Variants in ATP4A observed in about 807,000 individuals in gnomAD.
The protein encoded by ATP4A is ATPase H+/K+ transporting subunit alpha, also known as potassium-transporting ATPase alpha chain 1.
In ATP4A, 73 loss-of-function variants were observed where a neutral mutation model predicts 112.1. The observed-to-expected ratio is 0.65, with a 90% CI of 0.54 to 0.79. The LOEUF is 0.79. ATP4A is among the 30% of genes least tolerant of loss of function. The pLI, the probability that ATP4A is intolerant of heterozygous loss-of-function variation, is 0.00. For synonymous variants in ATP4A, 588 were observed against 588.9 expected, an observed-to-expected ratio of 1.00 and a Z score of 0.02; for missense variants, 1,081 against 1,425.9, an observed-to-expected ratio of 0.76 and a Z score of 3.90.
rs184303062 is a variant in ATP4A at position 35,555,911 on chromosome 19, A to G, written c.1870-99T>C. ...GCTGATACACGTGTTCATTTACTTG[A>G]CCAAGCGTGACCACCTCCTACGTGC... On this transcript the variant is annotated intron_variant, in intron 12 of 21. Transcript: ENST00000262623. This position sits in a 1 kb window ranked among gnomAD's most constrained non-coding sequence, Gnocchi z 6.6. The G allele has an allele frequency of 5.4e-6, 8 of 1,470,588 alleles. No individual in the cohort carries two copies. The highest frequency in any genetic ancestry group is 7.3e-6 in the Non-Finnish European group (8 of 1,099,942). 91.1% of individuals were successfully genotyped at this position (1,470,588 alleles called of 1,614,324 possible).
Position 35,558,729 on chromosome 19 carries a change from C to T in ATP4A, c.1256-43G>A. On this transcript the variant is annotated intron_variant, in intron 8 of 21. Transcript: ENST00000262623. The surrounding 1 kb of genome is among the most constrained non-coding windows in gnomAD (Gnocchi z 5.1). The stretch of plus-strand genomic sequence containing the variant: ...AGGCTGGGTCCCGCACGGCGGCTCT[C>T]CCGGACCAGAACCGAGCCCCCTCCT... 1 of 1,536,216 alleles carries T rather than the reference C, an allele frequency of 6.5e-7. No homozygotes were observed. Among genetic ancestry groups the T allele is most frequent in the South Asian group, 1.2e-5 (1 of 83,652 alleles).
chr19:35,554,973 G>A lies in ATP4A; in HGVS notation c.2430C>T (p.Pro810=), dbSNP rs61746955. The change falls in exon 16 of 22, where the codon CCC becomes CCT. Residue 810 remains proline, a synonymous_variant. Transcript: ENST00000262623. ...PYLIYITVSV[P]LPLGCITILF... is the part of the protein sequence containing the mutation. ...GGATGGTGATGCACCCGAGGGGCAG[G>A]GGCACGCTGACGGTGATGTAGATGA... 3,136 of 1,614,198 alleles carry A rather than the reference G, an allele frequency of 1.9e-3. 37 individuals are homozygous for A. The African/African-American group carries it at 0.033, about 17-fold the overall frequency.
chr19:35,563,065 T>C, intron 3 of ATP4A, 144 bp downstream of exon 3: 1 of 667,962 alleles, frequency 1.5e-6, no homozygotes, highest in Non-Finnish European at 2.3e-6. Flanking sequence ...TTTCCTTTTC[T>C]GCCTCCCTCC....
intron 18 of ATP4A, among the ~76,000 whole-genome samples, chr19:35,552,604 A>T (rs565095942): frequency 6.6e-6 from 1 of 152,264 alleles, no homozygotes; most frequent in East Asian, 1.9e-4. Context: ...GTCTACCTTA[A>T]CCATGATAGT....
rs756224829 is a variant in ATP4A, at chr19:35,551,568, G to A, written c.2764C>T (p.Arg922Cys). ...TAGCAGGTGTACTGCTGGTACAGGC[G>A]CTGCCCGAATGTCTGCAGGCCAGGG... ...SYGQEWTFGQRLYQQYTCYTV... is the reference protein window; with the variant it reads ...SYGQEWTFGQCLYQQYTCYTV... Residue 922 changes from arginine to cysteine, a missense_variant, in exon 19 of 22, where the codon CGC becomes TGC. Arg to Cys is a radical substitution (Grantham distance 180). This residue lies in a region of ATP4A where 219 missense variants were observed against 320.9 expected (regional missense o/e 0.68). Coordinates refer to ENST00000262623, the MANE Select transcript of ATP4A (RefSeq NM_000704.3). The surrounding 1 kb of genome is among the most constrained non-coding windows in gnomAD (Gnocchi z 5.2). The A allele has an allele frequency of 1.4e-5, 23 of 1,612,604 alleles. No individual in the cohort carries two copies. The highest frequency in any genetic ancestry group is 1.7e-5 in the Admixed American group (1 of 59,806).
rs781779919 is a variant in ATP4A, at chr19:35,563,260, G to T, written c.165C>A (p.His55Gln). 5 of 1,614,052 alleles carry T rather than the reference G, an allele frequency of 3.1e-6. No individual in the cohort carries two copies. Among genetic ancestry groups the T allele is most frequent in the Non-Finnish European group, 4.2e-6 (5 of 1,180,016 alleles). The change falls in exon 3 of 22, where the codon CAC becomes CAA. Residue 55 changes from histidine to glutamine, a missense_variant. Transcript: ENST00000262623. Reference sequence around the variant, plus strand: ...GTTCCAGCTCCGCCACTGACAGCTGGTGGTCGTTCTGTGTGGTGGGGTGGG... The same window carrying T: ...GTTCCAGCTCCGCCACTGACAGCTGTTGGTCGTTCTGTGTGGTGGGGTGGG... ...NMKKEMEINDHQLSVAELEQK... is the reference protein window; with the variant it reads ...NMKKEMEINDQQLSVAELEQK...
chr19:35,560,229 G>T lies in ATP4A; in HGVS notation c.787+134C>A. 1 of 1,525,284 alleles carries T rather than the reference G, an allele frequency of 6.6e-7. No homozygotes were observed. The highest frequency in any genetic ancestry group is 8.9e-7 in the Non-Finnish European group (1 of 1,128,224). 94.5% of individuals were successfully genotyped at this position (1,525,284 alleles called of 1,614,324 possible). A position where few individuals can be genotyped will look rare whatever the true frequency, so the allele number is the denominator to read the frequency against. The stretch of plus-strand genomic sequence containing the variant: ...ACAGAGAAGCAGTGTGCCCTGGGGA[G>T]GTGGCAGTCACGGGGAGGTGGCAGT... On this transcript the variant is annotated intron_variant, in intron 6 of 21. Transcript: ENST00000262623. This position sits in a 1 kb window ranked among gnomAD's most constrained non-coding sequence, Gnocchi z 5.1.
At position 35,555,926 on chromosome 19, in the gene ATP4A, C is replaced by G; in HGVS notation, c.1870-114G>C. On this transcript the variant is annotated intron_variant, in intron 12 of 21. Transcript: ENST00000262623. The surrounding 1 kb of genome is among the most constrained non-coding windows in gnomAD (Gnocchi z 6.6). ...CATTTACTTGACCAAGCGTGACCAC[C>G]TCCTACGTGCCTGGGATATAGCAGA... 10 of 1,416,820 alleles carry G rather than the reference C, an allele frequency of 7.1e-6. No individual in the cohort carries two copies. Among genetic ancestry groups the G allele is most frequent in the Non-Finnish European group, 9.4e-6 (10 of 1,058,520 alleles). The allele number at this position is 1,416,820 out of a possible 1,614,324, so 87.8% of individuals were successfully genotyped here.
Position 35,555,763 on chromosome 19 carries a change from G to C in ATP4A, c.1919C>G (p.Ala640Gly). The C allele has an allele frequency of 2.5e-6, 4 of 1,613,892 alleles. No individual in the cohort carries two copies. In the African/African-American group the frequency reaches 5.3e-5, roughly 22 times the overall value. The change falls in exon 13 of 22, where the codon GCC (alanine) becomes GGC (glycine). Residue 640 changes from alanine (A) to glycine (G), a missense_variant. This residue lies in a region of ATP4A where 850 missense variants were observed against 1,068.2 expected (regional missense o/e 0.80). Transcript: ENST00000262623. The surrounding 1 kb of genome is among the most constrained non-coding windows in gnomAD (Gnocchi z 6.6). ...GCCTTCCGAGATGATGCCCACACTG[G>C]CTGCAATGGCCTTGGCGGTGATGGG... Reference protein sequence around the residue: ...DHPITAKAIAASVGIISEGSE... With the variant: ...DHPITAKAIAGSVGIISEGSE...
rs1176302179 is a variant in ATP4A, at chr19:35,551,906, AGATGG to A, written c.2752-331_2752-327del. 6.6e-6 allele frequency among the ~76,000 whole-genome samples: 1 copy of A among 152,186 alleles called. No homozygotes were observed. Among genetic ancestry groups the A allele is most frequent in the Non-Finnish European group, 1.5e-5 (1 of 68,022 alleles). ...CTGGGAAAGGGGAATTGAAATCCTC[AGATGG>A]GATTTGCAAAGTCCAGTGACTCCAG... On this transcript the variant is annotated intron_variant, in intron 18 of 21. Transcript: ENST00000262623. The surrounding 1 kb of genome is among the most constrained non-coding windows in gnomAD (Gnocchi z 5.2).
rs763490645 is a variant in ATP4A, at chr19:35,562,614, C to T, written c.241G>A (p.Glu81Lys). 6.2e-7 allele frequency: 1 copy of T among 1,605,496 alleles called. No homozygotes were observed. The highest frequency in any genetic ancestry group is 8.5e-7 in the Non-Finnish European group (1 of 1,176,746). ...TKGLSASLAAELLLRDGPNAL... is the reference protein window; with the variant it reads ...TKGLSASLAAKLLLRDGPNAL... ...TTGGGCCCATCCCGCAGCAGCAGCT[C>T]AGCAGCCAGGCTCGCAGAGAGGCCC... Residue 81 changes from glutamate to lysine, a missense_variant, in exon 4 of 22, where the codon GAG becomes AAG. Transcript: ENST00000262623.
In ATP4A at chr19:35,551,604, A is replaced by ACAGCCTGAGTC; in HGVS notation, c.2752-35_2752-25dup. ...GTCTGCAGGCCAGGGGCAAACGGAAACAGCCTGAGTCCAGCCTGAGTCCCG... is the reference window on the plus strand; with the variant it reads ...GTCTGCAGGCCAGGGGCAAACGGAAACAGCCTGAGTCCAGCCTGAGTCCAGCCTGAGTCCCG... On this transcript the variant is annotated intron_variant, in intron 18 of 21. Coordinates refer to ENST00000262623, the MANE Select transcript of ATP4A (RefSeq NM_000704.3). The surrounding 1 kb of genome is among the most constrained non-coding windows in gnomAD (Gnocchi z 5.2). The ACAGCCTGAGTC allele has an allele frequency of 2.5e-6, 4 of 1,606,504 alleles. No individual in the cohort carries two copies. The highest frequency in any genetic ancestry group is 1.1e-5 in the South Asian group (1 of 89,858).
In ATP4A at chr19:35,553,752, G is replaced by A; in HGVS notation, c.2559C>T (p.Asp853=). The A allele has an allele frequency of 1.2e-6, 2 of 1,613,308 alleles. No individual in the cohort carries two copies. The highest frequency in any genetic ancestry group is 1.7e-6 in the Non-Finnish European group (2 of 1,179,752). ...CAGCCAGGGGCTCGTTGACCAATCT[G>A]TCACGCTTTGGGTTGCGTGGACGCA... The part of the protein sequence containing the change: ...MHLRPRNPKR[D]RLVNEPLAAY... The change falls in exon 17 of 22, where the codon GAC becomes GAT. Residue 853 remains aspartate, a synonymous_variant. Transcript: ENST00000262623.
Position 35,550,950 on chromosome 19 carries a change from G to T in ATP4A, c.2988-25C>A. On this transcript the variant is annotated intron_variant, in intron 20 of 21. Transcript: ENST00000262623. This position sits in a 1 kb window ranked among gnomAD's most constrained non-coding sequence, Gnocchi z 4.1. The stretch of plus-strand genomic sequence containing the variant: ...CCTGAAGGCACATGGCAAGGTGAAG[G>T]CCATCCCAGGCCTGTGCCCTACAGC... 6.2e-7 allele frequency: 1 copy of T among 1,613,618 alleles called. No homozygotes were observed. Among genetic ancestry groups the T allele is most frequent in the Non-Finnish European group, 8.5e-7 (1 of 1,179,728 alleles).
At position 35,560,006 on chromosome 19, in the gene ATP4A, C is replaced by A. The variant is rs373342803; in HGVS notation, c.855G>T (p.Ala285=). The change falls in exon 7 of 22, where the codon GCG becomes GCT. Residue 285 remains alanine, a synonymous_variant. Coordinates refer to ENST00000262623, the MANE Select transcript of ATP4A (RefSeq NM_000704.3). This position sits in a 1 kb window ranked among gnomAD's most constrained non-coding sequence, Gnocchi z 5.1. ...RTIIGRIASL[A]SGVENEKTPI... is the part of the protein sequence containing the mutation. Reference sequence around the variant, plus strand: ...GTGTCTTCTCGTTTTCCACCCCCGACGCCAGCGATGCGATGCGCCCAATGA... The same window carrying A: ...GTGTCTTCTCGTTTTCCACCCCCGAAGCCAGCGATGCGATGCGCCCAATGA... 2 of 1,614,236 alleles carry A rather than the reference C, an allele frequency of 1.2e-6. No individual in the cohort carries two copies. Among genetic ancestry groups the A allele is most frequent in the Non-Finnish European group, 8.5e-7 (1 of 1,180,044 alleles).
At position 35,555,505 on chromosome 19, in the gene ATP4A, C is replaced by T. The variant is rs763936814; in HGVS notation, c.2092G>A (p.Glu698Lys). 5.0e-6 allele frequency: 8 copies of T among 1,608,216 alleles called. No homozygotes were observed. Among genetic ancestry groups the T allele is most frequent in the South Asian group, 3.3e-5 (3 of 90,252 alleles). ...GGGCTGGTGCGCGCAAACACCATCT[C>T]GGGGTGGGTGCGCAGGGCCTCGACC... ...ELVEALRTHP[E>K]MVFARTSPQQ... The change falls in exon 14 of 22, where the codon GAG becomes AAG. Residue 698 changes from glutamate to lysine, a missense_variant. Physicochemically the swap from Glu to Lys is moderately conservative, Grantham distance 56 (BLOSUM62 1). Around this residue, in one of 3 missense-constraint regions of ATP4A, gnomAD observed 850 missense variants for 1,068.2 expected, o/e 0.80. Transcript: ENST00000262623. This position sits in a 1 kb window ranked among gnomAD's most constrained non-coding sequence, Gnocchi z 6.6.
chr19:35,562,736 G>A, intron 3 of ATP4A, 98 bp from the exon 4 acceptor site: 1 of 1,259,746 alleles, frequency 7.9e-7, no homozygotes, highest in Non-Finnish European at 1.1e-6. Flanking sequence ...CTCCAGCTTG[G>A]TCTGTCCTGC....
At chr19:35,562,009 C>T (rs2071673873) in intron 4 of ATP4A, among the ~76,000 whole-genome samples, 1 of 152,058 alleles carries the variant, frequency 6.6e-6, no homozygotes, top group Admixed American at 6.6e-5. Flanking sequence ...GTGCCCGCCA[C>T]CATGTCTGGC....
Position 35,559,286 on chromosome 19 carries a change from C to T in ATP4A, c.1057-95G>A, listed in dbSNP as rs2071653247. The stretch of plus-strand genomic sequence containing the variant: ...AACGGGGAAGGCTTTACCCCAGCCG[C>T]GGGGCTGCGTGTGCAACGTGCTTCT... On this transcript the variant is annotated intron_variant, in intron 7 of 21. Transcript: ENST00000262623. This position sits in a 1 kb window ranked among gnomAD's most constrained non-coding sequence, Gnocchi z 4.1. 7.4e-7 allele frequency: 1 copy of T among 1,351,170 alleles called. No homozygotes were observed. The allele number at this position is 1,351,170 out of a possible 1,614,324, so 83.7% of individuals were successfully genotyped here.
Sources: gnomAD v4.1 joint callset for allele counts (sites outside exome capture counted in the v4.1 genomes callset) on GRCh38, gnomAD v4.1.1 for gene constraint, gnomAD v4.1.1 regional missense constraint, Gnocchi (gnomAD v3.1) non-coding constraint, MANE v1.5 for transcripts, NCBI Gene and HGNC (gene_info 2026-07-23, HGNC 2026-07-21) for gene names.